SPRR2G: variants seen among roughly 807,000 people sequenced by gnomAD.
SPRR2G encodes small proline rich protein 2G.
SPRR2G carries 1 observed loss-of-function variant against 0.7 expected under a neutral mutation model. The ratio of observed to expected loss-of-function variants is 1.49; its 90% CI spans 0.53 to 7.06. SPRR2G has a LOEUF of 7.06. Among genes scored for constraint, SPRR2G ranks in the 30% most tolerant of loss-of-function variants. The pLI is 0.14. For synonymous variants in SPRR2G, 38 were observed against 33.9 expected (o/e 1.12, Z -0.42); for missense variants, 96 against 88.5 (o/e 1.09, Z -0.34).
upstream of SPRR2G, among the ~76,000 whole-genome samples, chr1:153,151,721 C>A (rs1003202588): frequency 2.6e-5 from 4 of 152,194 alleles, no homozygotes; most frequent in African/African-American, 9.7e-5. Flanking sequence ...TTTACTCCTT[C>A]ACAATTTCTC....
chr1:153,174,818 C>G, the SPRR2G span, among the ~76,000 whole-genome samples: 1 of 152,122 alleles, frequency 6.6e-6, no homozygotes, highest in African/African-American at 2.4e-5. Flanking sequence ...TGAGACAACA[C>G]CTGCACTGTC....
At chr1:153,153,677 AAGAG>A (rs996435252), upstream of SPRR2G, among the ~76,000 whole-genome samples, 1 of 152,048 alleles carries the variant, frequency 6.6e-6, no homozygotes, top group Non-Finnish European at 1.5e-5. Flanking sequence ...GGAAAGGGGA[AAGAG>A]AGAGAGGATG....
At chr1:153,194,121 T>C in the SPRR2G span, among the ~76,000 whole-genome samples, 5 of 152,138 alleles carry the variant, frequency 3.3e-5, no homozygotes, top group Non-Finnish European at 7.3e-5. Context: ...TTTTACTCTT[T>C]CTGATGTTCA....
the SPRR2G span, among the ~76,000 whole-genome samples, chr1:153,167,839 T>C: frequency 2.6e-5 from 4 of 152,202 alleles, no homozygotes. Flanking sequence ...CACAATAATA[T>C]AGTAATGTTT....
the SPRR2G span, among the ~76,000 whole-genome samples, chr1:153,187,061 G>A: frequency 3.3e-5 from 5 of 152,220 alleles, no homozygotes; most frequent in Non-Finnish European, 5.9e-5. Context: ...TTTCTGCAGA[G>A]ATACACTATT....
chr1:153,196,468 T>G, the SPRR2G span, among the ~76,000 whole-genome samples: 2 of 152,244 alleles, frequency 1.3e-5, no homozygotes, highest in Non-Finnish European at 2.9e-5. Context: ...TTGATGGACA[T>G]TTAGGTTATT....
At chr1:153,202,226 T>TC in the SPRR2G span, among the ~76,000 whole-genome samples, 1 of 152,150 alleles carries the variant, frequency 6.6e-6, no homozygotes, top group Non-Finnish European at 1.5e-5. Context: ...ATACTGACCC[T>TC]CCCCGAAACT....
chr1:153,200,860 C>A, the SPRR2G span, among the ~76,000 whole-genome samples: 1 of 152,068 alleles, frequency 6.6e-6, no homozygotes, highest in Non-Finnish European at 1.5e-5. Context: ...CCACCACGCC[C>A]AGCTAATTTG....
chr1:153,185,344 T>C, the SPRR2G span, among the ~76,000 whole-genome samples: 2 of 151,762 alleles, frequency 1.3e-5, no homozygotes, highest in East Asian at 3.9e-4. Flanking sequence ...CTGGGCTTTT[T>C]TTTTTTTTTT....
chr1:153,197,822 A>G, the SPRR2G span, among the ~76,000 whole-genome samples: 4 of 152,222 alleles, frequency 2.6e-5, no homozygotes, highest in Non-Finnish European at 4.4e-5. Flanking sequence ...AAGGAGGGGG[A>G]TACTCCAGTT....
chr1:153,153,306 AGTAAATACTAT>A, upstream of SPRR2G, among the ~76,000 whole-genome samples: 1 of 150,854 alleles, frequency 6.6e-6, no homozygotes, highest in African/African-American at 2.5e-5. Context: ...TAAATCTGTG[AGTAAATACTAT>A]GTTAGCAAAC....
the SPRR2G span, among the ~76,000 whole-genome samples, chr1:153,198,528 T>C: frequency 2.6e-5 from 4 of 152,098 alleles, no homozygotes; most frequent in Admixed American, 2.6e-4. Context: ...ACACCCTGGC[T>C]TAGAAGCCTG....
At chr1:153,172,574 G>A in the SPRR2G span, among the ~76,000 whole-genome samples, 1 of 152,152 alleles carries the variant, frequency 6.6e-6, no homozygotes, top group Non-Finnish European at 1.5e-5. Flanking sequence ...TCAGGAGATG[G>A]AAACCTTGCT....
chr1:153,176,518 T>C, the SPRR2G span: 4 of 152,298 alleles, frequency 2.6e-5, no homozygotes, highest in Admixed American at 6.5e-5. Flanking sequence ...TTGATTCACT[T>C]CAATTCCTGA....
At chr1:153,151,340 C>G (rs1344156169), upstream of SPRR2G, among the ~76,000 whole-genome samples, 1 of 152,174 alleles carries the variant, frequency 6.6e-6, no homozygotes, top group African/African-American at 2.4e-5. Flanking sequence ...CTAACTTCCC[C>G]TTTTATCATG....
At chr1:153,169,495 G>A in the SPRR2G span, among the ~76,000 whole-genome samples, 3 of 152,024 alleles carry the variant, frequency 2.0e-5, no homozygotes, top group Admixed American at 1.3e-4. Context: ...GAACCCGGGA[G>A]GCAGAGGTTG....
the SPRR2G span, among the ~76,000 whole-genome samples, chr1:153,188,065 C>CT: frequency 5.3e-5 from 8 of 152,162 alleles, no homozygotes; most frequent in African/African-American, 1.9e-4. Flanking sequence ...CTGCCTACTC[C>CT]TTCCTCTGGA....
At chr1:153,169,738 T>C in the SPRR2G span, among the ~76,000 whole-genome samples, 4 of 152,192 alleles carry the variant, frequency 2.6e-5, no homozygotes, top group Admixed American at 2.6e-4. Flanking sequence ...GAAGCTCAAT[T>C]GTGTATGTGC....
upstream of SPRR2G, among the ~76,000 whole-genome samples, chr1:153,151,113 A>T (rs2101648061): frequency 6.6e-6 from 1 of 152,372 alleles, no homozygotes. Context: ...TGGCAATTGT[A>T]GAACGTGACA....
Sources: gnomAD v4.1 joint callset for allele counts (sites outside exome capture counted in the v4.1 genomes callset) on GRCh38, gnomAD v4.1.1 for gene constraint, MANE v1.5 for transcripts, NCBI Gene and HGNC (gene_info 2026-07-23, HGNC 2026-07-21) for gene names.